Variants in KHDRBS2 observed in about 807,000 individuals in gnomAD.
The protein encoded by KHDRBS2 is KH domain-containing, RNA-binding, signal transduction-associated protein 2.
A neutral mutation model predicts 44.3 loss-of-function variants in KHDRBS2; 26 were observed. The observed-to-expected ratio is 0.59, with a 90% CI of 0.43 to 0.81. The LOEUF is 0.81. KHDRBS2 is among the 40% of genes least tolerant of loss of function. The pLI is 0.00. For missense variants in KHDRBS2, 476 were observed against 433.1 expected (o/e 1.10, Z -0.88); for synonymous variants, 194 against 151.1 (o/e 1.28, Z -2.08).
chr6:61,720,020 T>C (rs201264089), intron 7 of KHDRBS2, among the ~76,000 whole-genome samples: 5 of 151,974 alleles, frequency 3.3e-5, no homozygotes, highest in Admixed American at 6.6e-5. Flanking sequence ...TGAGTGAGAA[T>C]ATGCGGTGTT....
intron 1 of KHDRBS2, among the ~76,000 whole-genome samples, chr6:62,248,919 A>T (rs1265131722): frequency 6.6e-6 from 1 of 152,132 alleles, no homozygotes; most frequent in African/African-American, 2.4e-5. Context: ...TAAATTTAAG[A>T]ACCTGGGATA....
rs1808061912 is a variant in KHDRBS2 at position 61,921,504 on chromosome 6, A to T, written c.484-20133T>A. Among the ~76,000 whole-genome samples the T allele has an allele frequency of 3.9e-5, 6 of 152,070 alleles. No individual in the cohort carries two copies. The South Asian group carries it at 1.0e-3, about 26-fold the overall frequency. ...TTTTTAAATTGTTATTACATTTTTT[A>T]AAAAATTGTGAAAGCAATACCTGCT... On this transcript the variant is annotated intron_variant, in intron 4 of 8. Coordinates refer to ENST00000281156, the MANE Select transcript of KHDRBS2 (RefSeq NM_152688.4).
At chr6:61,699,331 TGA>T (rs1414133212) in intron 7 of KHDRBS2, among the ~76,000 whole-genome samples, 2 of 152,100 alleles carry the variant, frequency 1.3e-5, no homozygotes, top group Admixed American at 6.6e-5. Context: ...TTAATCTTAC[TGA>T]GGGATCTATA....
chr6:62,155,013 A>G (rs1288481618), intron 2 of KHDRBS2, among the ~76,000 whole-genome samples: 1 of 152,222 alleles, frequency 6.6e-6, no homozygotes, highest in Non-Finnish European at 1.5e-5. Context: ...TTTGTGAAAA[A>G]TAAATCAGAA....
the KHDRBS2 span, among the ~76,000 whole-genome samples, chr6:61,583,077 A>C: frequency 6.6e-6 from 1 of 151,794 alleles, no homozygotes; most frequent in Non-Finnish European, 1.5e-5. Flanking sequence ...TCTCATAGGA[A>C]AATAGGATGC....
chr6:61,596,387 T>A, the KHDRBS2 span, among the ~76,000 whole-genome samples: 1 of 152,202 alleles, frequency 6.6e-6, no homozygotes. Context: ...TTACCAACAA[T>A]TTTTAAATTA....
intron 2 of KHDRBS2, among the ~76,000 whole-genome samples, chr6:62,144,614 AT>A (rs1207736964): frequency 2.0e-5 from 3 of 151,890 alleles, no homozygotes; most frequent in African/African-American, 7.2e-5. Context: ...TTACCAATCG[AT>A]ATTTACTCTA....
intron 2 of KHDRBS2, among the ~76,000 whole-genome samples, chr6:62,078,560 T>C (rs1403929995): frequency 1.3e-5 from 2 of 151,914 alleles, no homozygotes; most frequent in African/African-American, 2.4e-5. Context: ...AGAAAAATAT[T>C]TTAATTTATA....
rs751656507 is a variant in KHDRBS2, at chr6:62,004,538, A to G, written c.337-26326T>C. On this transcript the variant is annotated intron_variant, in intron 3 of 8. Coordinates refer to ENST00000281156, the MANE Select transcript of KHDRBS2 (RefSeq NM_152688.4). ...AATTAATAGTCTTCCAACCAAAAAA[A>G]CTCCATGACCAGACGGATTCACAGC... Among the ~76,000 whole-genome samples the G allele has an allele frequency of 5.3e-5, 8 of 152,120 alleles. No individual in the cohort carries two copies. In the South Asian group the frequency reaches 1.7e-3, roughly 32 times the overall value.
intron 3 of KHDRBS2, among the ~76,000 whole-genome samples, chr6:62,015,857 C>A (rs1421900657): frequency 2.6e-5 from 4 of 152,166 alleles, no homozygotes; most frequent in Admixed American, 2.0e-4. Flanking sequence ...AGCATTCCCT[C>A]TTGAATCACA....
At chr6:61,839,925 C>T (rs1291886442) in intron 6 of KHDRBS2, among the ~76,000 whole-genome samples, 3 of 152,044 alleles carry the variant, frequency 2.0e-5, no homozygotes, top group East Asian at 3.9e-4. Context: ...ATTCCCTTCC[C>T]CATTAGAATG....
chr6:61,825,461 G>A (rs1790688292), intron 6 of KHDRBS2, among the ~76,000 whole-genome samples: 1 of 152,134 alleles, frequency 6.6e-6, no homozygotes, highest in Non-Finnish European at 1.5e-5. Context: ...GCCAACCTAT[G>A]TGTACTTACA....
chr6:62,024,431 T>C lies in KHDRBS2; in HGVS notation c.336+23447A>G, dbSNP rs529003429. The stretch of plus-strand genomic sequence containing the variant: ...AGTAACTGAAGCACACACTACAAAA[T>C]TTTCTTTAAACATATATATTTTTGA... On this transcript the variant is annotated intron_variant, in intron 3 of 8. Coordinates refer to ENST00000281156, the MANE Select transcript of KHDRBS2 (RefSeq NM_152688.4). Among the ~76,000 whole-genome samples the C allele has an allele frequency of 4.6e-5, 7 of 151,722 alleles. No homozygotes were observed. In the East Asian group the frequency reaches 1.4e-3, roughly 29 times the overall value.
At chr6:62,232,533 A>G (rs551922148) in intron 1 of KHDRBS2, among the ~76,000 whole-genome samples, 4 of 152,216 alleles carry the variant, frequency 2.6e-5, no homozygotes, top group African/African-American at 9.6e-5. Flanking sequence ...ACCAACAACA[A>G]CAAAACATAC....
chr6:62,192,324 A>C (rs1435051123), intron 1 of KHDRBS2, among the ~76,000 whole-genome samples: 1 of 152,114 alleles, frequency 6.6e-6, no homozygotes, highest in Non-Finnish European at 1.5e-5. Context: ...GTGTGTAAAA[A>C]AATAAGAGGC....
chr6:61,671,938 T>C, the KHDRBS2 span, among the ~76,000 whole-genome samples: 10 of 151,944 alleles, frequency 6.6e-5, no homozygotes, highest in Non-Finnish European at 1.3e-4. Context: ...TGCTGTGTGC[T>C]GCACCCACTA....
chr6:61,568,696 A>C, the KHDRBS2 span, among the ~76,000 whole-genome samples: 1 of 152,148 alleles, frequency 6.6e-6, no homozygotes, highest in Non-Finnish European at 1.5e-5. Flanking sequence ...TCTTACATGG[A>C]TTTAGGGAGC....
At chr6:61,571,625 T>C in the KHDRBS2 span, among the ~76,000 whole-genome samples, 1 of 152,070 alleles carries the variant, frequency 6.6e-6, no homozygotes, top group Non-Finnish European at 1.5e-5. Flanking sequence ...TTTTCTTCAG[T>C]ACAGGGAACA....
intron 1 of KHDRBS2, among the ~76,000 whole-genome samples, chr6:62,185,690 G>C (rs192505442): frequency 6.6e-6 from 1 of 151,996 alleles, no homozygotes. Context: ...ATAGTTAACT[G>C]TTTTAATCAC....
Sources: allele counts gnomAD v4.1 joint callset (sites outside exome capture counted in the v4.1 genomes callset), GRCh38; gene constraint gnomAD v4.1.1; transcripts MANE v1.5; gene names NCBI Gene and HGNC (gene_info 2026-07-23, HGNC 2026-07-21).